PTPRB: variants seen among roughly 807,000 people sequenced by gnomAD.
The protein encoded by PTPRB is receptor-type tyrosine-protein phosphatase beta.
In PTPRB, 97 loss-of-function variants were observed where a neutral mutation model predicts 238.1. The ratio of observed to expected loss-of-function variants is 0.41; its 90% CI spans 0.35 to 0.48. The LOEUF is 0.48. Ranked by LOEUF, PTPRB falls within the 20% of genes least tolerant of loss-of-function variation. PTPRB has a pLI of 0.30. For synonymous variants in PTPRB, 970 were observed against 995.4 expected, an observed-to-expected ratio of 0.97 and a Z score of 0.48; for missense variants, 2,292 against 2,681.9, an observed-to-expected ratio of 0.85 and a Z score of 3.21.
intron 3 of PTPRB, chr12:70,609,898 G>A: frequency 3.0e-6 from 4 of 1,324,830 alleles, no homozygotes; most frequent in Non-Finnish European, 4.0e-6. Flanking sequence ...GTCACCTGTT[G>A]CGCGCGCTCA....
chr12:70,620,015 G>A (rs1884856689), intron 3 of PTPRB, among the ~76,000 whole-genome samples: 2 of 152,162 alleles, frequency 1.3e-5, no homozygotes, highest in South Asian at 4.1e-4. Flanking sequence ...TCAGTCTAAG[G>A]CGTTAGAGTC....
Position 70,576,620 on chromosome 12 carries a change from C to T in PTPRB, c.2604G>A (p.Thr868=), listed in dbSNP as rs371326615. 7.1e-5 allele frequency: 108 copies of T among 1,519,112 alleles called. No homozygotes were observed. Among genetic ancestry groups the T allele is most frequent in the Non-Finnish European group, 8.6e-5 (98 of 1,134,932 alleles). 94.1% of individuals were successfully genotyped at this position (1,519,112 alleles called of 1,614,324 possible). The change falls in exon 11 of 34, where the codon ACG becomes ACA. Residue 868 remains threonine, a synonymous_variant. Coordinates refer to ENST00000334414, the MANE Select transcript of PTPRB (RefSeq NM_001109754.4). ...RTVPSSVSGV[T]VNNSGRNDYL... ...AGTCATTACGACCGGAATTGTTCAC[C>T]GTTACTCCACTCACACTGGAAGGGA...
At chr12:70,637,200 T>C (rs1885743725) in intron 1 of PTPRB, 141 bp downstream of exon 1, 3 of 694,412 alleles carry the variant, frequency 4.3e-6, no homozygotes, top group East Asian at 2.8e-5. Flanking sequence ...TGGCTCCTTT[T>C]ATTCCTGCTT....
Position 70,520,065 on chromosome 12 carries a change from C to A in PTPRB, c.*1424G>T. On this transcript the variant is annotated 3_prime_UTR_variant, in exon 34 of 34. Coordinates refer to ENST00000334414, the MANE Select transcript of PTPRB (RefSeq NM_001109754.4). The stretch of plus-strand genomic sequence containing the variant: ...ACTCTTTATGCAAAGGAAGCTATGC[C>A]ATCAACAAACTTGACCTCTAATTCC... The A allele has an allele frequency of 2.9e-6, 1 of 341,626 alleles. No homozygotes were observed. The highest frequency in any genetic ancestry group is 5.7e-6 in the Non-Finnish European group (1 of 174,518). 21.2% of individuals were successfully genotyped at this position (341,626 alleles called of 1,614,324 possible).
chr12:70,621,935 G>A (rs1001035891), intron 3 of PTPRB, among the ~76,000 whole-genome samples: 4 of 152,194 alleles, frequency 2.6e-5, no homozygotes, highest in African/African-American at 4.8e-5. Flanking sequence ...GAAGTGGTAC[G>A]TGACTTTTGT....
At chr12:70,624,259 G>A (rs1431384347) in intron 2 of PTPRB, among the ~76,000 whole-genome samples, 2 of 152,072 alleles carry the variant, frequency 1.3e-5, no homozygotes, top group African/African-American at 2.4e-5. Context: ...TTATACTAAA[G>A]ATTATTTGTT....
intron 9 of PTPRB, among the ~76,000 whole-genome samples, chr12:70,584,357 T>C (rs192016247): frequency 1.3e-5 from 2 of 152,252 alleles, no homozygotes; most frequent in East Asian, 1.9e-4. Flanking sequence ...AGAGAGTTAA[T>C]AGCTGAGAAT....
In PTPRB at chr12:70,541,019, A is replaced by G. The variant is rs79817175; in HGVS notation, c.5495-62T>C. Reference sequence around the variant, plus strand: ...GGAAAATTAGTGCTAGGGAACCAGTAAGAAAGCTATTGAAGCCATATCTCC... The same window carrying G: ...GGAAAATTAGTGCTAGGGAACCAGTGAGAAAGCTATTGAAGCCATATCTCC... On this transcript the variant is annotated intron_variant, in intron 22 of 33. Transcript: ENST00000334414. 2.2e-3 allele frequency: 2,988 copies of G among 1,339,718 alleles called. 57 individuals carry two copies. In the African/African-American group the frequency reaches 0.039, roughly 17 times the overall value. The allele number at this position is 1,339,718 out of a possible 1,614,324, so 83.0% of individuals were successfully genotyped here. A position where few individuals can be genotyped will look rare whatever the true frequency, so the allele number is the denominator to read the frequency against.
intron 15 of PTPRB, among the ~76,000 whole-genome samples, chr12:70,565,795 G>A (rs2136350819): frequency 6.6e-6 from 1 of 152,292 alleles, no homozygotes. Context: ...CTGTGAATAT[G>A]TTACCTTCTG....
At chr12:70,627,220 G>A (rs1318990929) in intron 2 of PTPRB, among the ~76,000 whole-genome samples, 1 of 152,132 alleles carries the variant, frequency 6.6e-6, no homozygotes, top group East Asian at 1.9e-4. Flanking sequence ...GCTGGGTGGA[G>A]GAGGAAGAAT....
At chr12:70,576,684 A>AGGGGGGGGGGG (rs1313001377) in intron 10 of PTPRB, 39 bp from the exon 11 acceptor site, 19 of 29,872 alleles carry the variant, frequency 6.4e-4, no homozygotes, top group Admixed American at 1.2e-3. Flanking sequence ...GGGGGGGGGA[A>AGGGGGGGGGGG]GGGGGATTCA....
intron 15 of PTPRB, 44 bp downstream of exon 15, chr12:70,566,391 A>G: frequency 6.3e-7 from 1 of 1,594,688 alleles, no homozygotes; most frequent in Non-Finnish European, 8.6e-7. Context: ...ACAATAGCAG[A>G]CATTGGCAAT....
intron 22 of PTPRB, 36 bp from the exon 23 acceptor site, chr12:70,540,993 G>T: frequency 6.6e-7 from 1 of 1,510,816 alleles, no homozygotes; most frequent in East Asian, 2.4e-5. Context: ...AAACGCAGGT[G>T]GGAAAATTAG....
chr12:70,571,730 C>T (rs61258042), intron 12 of PTPRB, 94 bp downstream of exon 12: 1 of 1,374,552 alleles, frequency 7.3e-7, no homozygotes, highest in African/African-American at 1.4e-5. Flanking sequence ...ATGTAATGTA[C>T]TAATGAATAA....
Position 70,565,631 on chromosome 12 carries a change from C to T in PTPRB, c.3904+804G>A, listed in dbSNP as rs547413212. Among the ~76,000 whole-genome samples the T allele has an allele frequency of 1.1e-3, 163 of 152,268 alleles. 3 individuals are homozygous for T. The South Asian group carries it at 0.016, about 15-fold the overall frequency. On this transcript the variant is annotated intron_variant, in intron 15 of 33. Coordinates refer to ENST00000334414, the MANE Select transcript of PTPRB (RefSeq NM_001109754.4). ...GTCTCGTCAGTCAGCTCTTTAAGGA[C>T]GAGAAGCATGCCTGATTCATCTTTA... is the stretch of plus-strand genomic sequence containing the variant.
chr12:70,633,084 CAAA>C (rs1161794191), intron 2 of PTPRB, among the ~76,000 whole-genome samples: 5 of 152,100 alleles, frequency 3.3e-5, no homozygotes, highest in African/African-American at 1.2e-4. Context: ...GAAGAACACA[CAAA>C]AAAATTCACA....
At chr12:70,537,465 T>C (rs924904324) in intron 28 of PTPRB, among the ~76,000 whole-genome samples, 1 of 152,284 alleles carries the variant, frequency 6.6e-6, no homozygotes, top group East Asian at 1.9e-4. Context: ...TCAACTCTTC[T>C]GAGAGTTCCT....
At chr12:70,537,264 C>G (rs1457347896) in intron 28 of PTPRB, among the ~76,000 whole-genome samples, 18 of 128,142 alleles carry the variant, frequency 1.4e-4, no homozygotes, top group Admixed American at 1.3e-3. Context: ...TACAGCCTGG[C>G]AGACAGAGCA....
At chr12:70,611,414 G>A (rs973901836) in intron 3 of PTPRB, among the ~76,000 whole-genome samples, 9 of 152,118 alleles carry the variant, frequency 5.9e-5, no homozygotes, top group South Asian at 4.1e-4. Context: ...TCAGCCTTCC[G>A]TGTAGCTGGG....
Sources: gnomAD v4.1 joint callset for allele counts (sites outside exome capture counted in the v4.1 genomes callset) on GRCh38, gnomAD v4.1.1 for gene constraint, MANE v1.5 for transcripts, NCBI Gene and HGNC (gene_info 2026-07-23, HGNC 2026-07-21) for gene names.